Variants in MYO16 observed in about 807,000 individuals in gnomAD.
MYO16 encodes myosin XVI.
MYO16 carries 94 observed loss-of-function variants against 205.3 expected under a neutral mutation model. The observed-to-expected ratio is 0.46, with a 90% CI of 0.39 to 0.54. The LOEUF (loss-of-function observed/expected upper bound fraction) is 0.54, where lower values mean the gene tolerates loss of function less well. Ranked by LOEUF, MYO16 falls within the 20% of genes least tolerant of loss-of-function variation. The pLI is 0.00. For missense variants in MYO16, 2,315 were observed against 2,387.5 expected (o/e 0.97, Z 0.63); for synonymous variants, 988 against 954.0 (o/e 1.04, Z -0.66).
chr13:108,645,226 GA>G (rs1880699168), intron 1 of MYO16, among the ~76,000 whole-genome samples: 1 of 152,112 alleles, frequency 6.6e-6, no homozygotes, highest in African/African-American at 2.4e-5. Flanking sequence ...ACATTGATAA[GA>G]TCTGACACAT....
At chr13:108,699,871 T>C (rs973255654) in intron 2 of MYO16, among the ~76,000 whole-genome samples, 7 of 152,182 alleles carry the variant, frequency 4.6e-5, no homozygotes, top group Non-Finnish European at 1.0e-4. Context: ...GAGAGATACA[T>C]ATTTTTAGGG....
Position 108,611,958 on chromosome 13 carries a change from CTTTTTTTTTTTTTCT to C in MYO16, c.-39+15733_-39+15747del, listed in dbSNP as rs1158936230. Reference sequence around the variant, plus strand: ...AGCTAGATAGAAGGCAGGTAATATTCTTTTTTTTTTTTTCTTTTTTTTTTTTTTTTTTTTTGAGAC... The same window carrying C: ...AGCTAGATAGAAGGCAGGTAATATTCTTTTTTTTTTTTTTTTTTTTGAGAC... On this transcript the variant is annotated intron_variant, in intron 1 of 24. Coordinates refer to the MYO16 transcript ENST00000251041. Among the ~76,000 whole-genome samples, 378 of 101,902 alleles carry C rather than the reference CTTTTTTTTTTTTTCT, an allele frequency of 3.7e-3. 1 individual carries two copies. Among genetic ancestry groups the C allele is most frequent in the African/African-American group, 0.014 (358 of 25,090 alleles). The allele number at this position is 101,902 out of a possible 152,430, so 66.9% of individuals were successfully genotyped here.
intron 32 of MYO16, among the ~76,000 whole-genome samples, chr13:109,148,841 G>A (rs1056184720): frequency 6.6e-6 from 1 of 152,204 alleles, no homozygotes; most frequent in African/African-American, 2.4e-5. Context: ...AGGGCAAGAG[G>A]AATGTTAGAG....
At chr13:108,662,846 C>T (rs1319486716) in intron 1 of MYO16, among the ~76,000 whole-genome samples, 1 of 152,180 alleles carries the variant, frequency 6.6e-6, no homozygotes, top group East Asian at 1.9e-4. Context: ...TTCCTTCTCC[C>T]TCTGGCCACC....
At position 109,127,859 on chromosome 13, in the gene MYO16, TAAAAAAA is replaced by T. The variant is rs34317737; in HGVS notation, c.4051+322_4051+328del. 7.5e-6 allele frequency among the ~76,000 whole-genome samples: 1 copy of T among 132,660 alleles called. No individual in the cohort carries two copies. The highest frequency in any genetic ancestry group is 1.6e-5 in the Non-Finnish European group (1 of 62,610). The allele number at this position is 132,660 out of a possible 152,430, so 87.0% of individuals were successfully genotyped here. ...ATGTAAAGGTTCACCAATGAGAAAG[TAAAAAAA>T]AAAAAAAAAAAACTGCTTCAGGCAT... On this transcript the variant is annotated intron_variant, in intron 31 of 34. Coordinates refer to ENST00000457511, the MANE Select transcript of MYO16 (RefSeq NM_001198950.3). This position sits in a 1 kb window ranked among gnomAD's most constrained non-coding sequence, Gnocchi z 4.2.
At chr13:108,970,964 A>G (rs959753497) in intron 20 of MYO16, among the ~76,000 whole-genome samples, 1 of 152,206 alleles carries the variant, frequency 6.6e-6, no homozygotes, top group African/African-American at 2.4e-5. Flanking sequence ...AACAAAGTCC[A>G]TGATCTAAAG....
chr13:108,669,140 C>T (rs1235927208), intron 2 of MYO16, among the ~76,000 whole-genome samples: 1 of 151,862 alleles, frequency 6.6e-6, no homozygotes, highest in African/African-American at 2.4e-5. Context: ...GAACTGAGTC[C>T]CAAGGAATTC....
chr13:108,540,262 C>A, the MYO16 span, among the ~76,000 whole-genome samples: 1 of 152,116 alleles, frequency 6.6e-6, no homozygotes, highest in African/African-American at 2.4e-5. Context: ...GTAGAAATGT[C>A]AAAGGCTATG....
At chr13:108,803,491 A>G (rs185030232) in intron 6 of MYO16, among the ~76,000 whole-genome samples, 5 of 152,328 alleles carry the variant, frequency 3.3e-5, no homozygotes, top group Admixed American at 3.3e-4. Flanking sequence ...TGAAATGGGC[A>G]CAGTGTTGGG....
At chr13:108,559,470 CTT>C in the MYO16 span, among the ~76,000 whole-genome samples, 67 of 87,424 alleles carry the variant, frequency 7.7e-4, no homozygotes, top group Middle Eastern at 7.6e-3. Context: ...TTTTTCTTTT[CTT>C]TTTTTTTTTT....
At chr13:109,165,377 T>C (rs1172153045) in intron 33 of MYO16, among the ~76,000 whole-genome samples, 3 of 152,178 alleles carry the variant, frequency 2.0e-5, no homozygotes, top group South Asian at 2.1e-4. Flanking sequence ...TAAAAAATTA[T>C]TCTGGAAACT....
chr13:108,589,115 T>C, the MYO16 span, among the ~76,000 whole-genome samples: 33 of 152,330 alleles, frequency 2.2e-4, no homozygotes, highest in South Asian at 6.6e-3. Context: ...AAATTCACAG[T>C]GGCTGGGAAC....
intron 6 of MYO16, among the ~76,000 whole-genome samples, chr13:108,806,193 G>T (rs140137005): frequency 6.6e-6 from 1 of 152,118 alleles, no homozygotes; most frequent in Non-Finnish European, 1.5e-5. Flanking sequence ...GCCGGGATTA[G>T]TTAATCCTTT....
At chr13:108,703,988 G>A (rs1168851416) in intron 2 of MYO16, among the ~76,000 whole-genome samples, 1 of 152,180 alleles carries the variant, frequency 6.6e-6, no homozygotes. Context: ...CGCACAGTGT[G>A]TGCCATCAGA....
chr13:108,895,790 G>A (rs1028386510), intron 14 of MYO16, among the ~76,000 whole-genome samples: 1 of 152,142 alleles, frequency 6.6e-6, no homozygotes, highest in African/African-American at 2.4e-5. Flanking sequence ...CACATCACCC[G>A]TTAGAACACT....
At chr13:108,504,768 C>T in the MYO16 span, among the ~76,000 whole-genome samples, 31 of 151,948 alleles carry the variant, frequency 2.0e-4, no homozygotes, top group African/African-American at 7.0e-4. Flanking sequence ...ATCTCTTGAC[C>T]TTGTGATCCA....
intron 16 of MYO16, among the ~76,000 whole-genome samples, chr13:108,934,275 A>G (rs150333890): frequency 9.9e-5 from 15 of 152,212 alleles, no homozygotes; most frequent in Non-Finnish European, 2.1e-4. Context: ...TGACTTTTTA[A>G]TAATAGCCAT....
intron 21 of MYO16, among the ~76,000 whole-genome samples, chr13:108,993,710 A>G (rs117851295): frequency 1.3e-3 from 197 of 152,334 alleles, no homozygotes; most frequent in Admixed American, 0.011. Flanking sequence ...TTACTGTGAG[A>G]AAAGTAATGA....
intron 17 of MYO16, 86 bp downstream of exon 17, chr13:108,957,885 C>A: frequency 9.5e-7 from 1 of 1,051,586 alleles, no homozygotes; most frequent in Non-Finnish European, 1.4e-6. Flanking sequence ...TTTACTGAGC[C>A]CCTATGACAT....
Sources: allele counts gnomAD v4.1 joint callset (sites outside exome capture counted in the v4.1 genomes callset), GRCh38; gene constraint gnomAD v4.1.1; non-coding constraint Gnocchi (gnomAD v3.1); transcripts MANE v1.5; gene names NCBI Gene and HGNC (gene_info 2026-07-23, HGNC 2026-07-21).